The following SLC24A2 variants were observed in gnomAD, a reference collection of about 807,000 sequenced individuals.
SLC24A2 encodes the protein solute carrier family 24 member 2, also known as sodium/potassium/calcium exchanger 2.
Under a neutral mutation model 62.0 loss-of-function variants are expected in SLC24A2, and 36 were observed. The observed-to-expected ratio is 0.58, with a 90% CI of 0.44 to 0.77. The LOEUF is 0.77. Among genes scored for constraint, SLC24A2 ranks in the 30% least tolerant of loss-of-function variants. The pLI is 0.00. For missense variants in SLC24A2, 846 were observed against 817.9 expected (o/e 1.03, Z -0.42); for synonymous variants, 358 against 294.0 (o/e 1.22, Z -2.23).
At chr9:19,899,352 A>G in the SLC24A2 span, among the ~76,000 whole-genome samples, 1 of 152,214 alleles carries the variant, frequency 6.6e-6, no homozygotes, top group African/African-American at 2.4e-5. Flanking sequence ...GCCCAGGATT[A>G]AGGCACTCAA....
the SLC24A2 span, among the ~76,000 whole-genome samples, chr9:19,881,110 T>C: frequency 6.6e-6 from 1 of 152,176 alleles, no homozygotes; most frequent in Non-Finnish European, 1.5e-5. Flanking sequence ...AGTAGGCATA[T>C]CAACCATTTG....
the SLC24A2 span, among the ~76,000 whole-genome samples, chr9:20,086,205 T>G: frequency 6.6e-6 from 1 of 152,158 alleles, no homozygotes; most frequent in Non-Finnish European, 1.5e-5. Flanking sequence ...GGACCCAGAT[T>G]TGGTCCTTGA....
the SLC24A2 span, among the ~76,000 whole-genome samples, chr9:20,242,721 C>A: frequency 1.3e-5 from 2 of 152,210 alleles, no homozygotes; most frequent in Non-Finnish European, 2.9e-5. Context: ...CATCCTAATG[C>A]TAATTAAAAA....
At chr9:19,834,585 A>T in the SLC24A2 span, among the ~76,000 whole-genome samples, 1 of 152,244 alleles carries the variant, frequency 6.6e-6, no homozygotes, top group African/African-American at 2.4e-5. Flanking sequence ...TGAAAAGACC[A>T]AATCTATGTC....
the SLC24A2 span, among the ~76,000 whole-genome samples, chr9:19,837,113 CCAATATCATA>C: frequency 6.6e-6 from 1 of 152,082 alleles, no homozygotes; most frequent in African/African-American, 2.4e-5. Context: ...AAACCCACAG[CCAATATCATA>C]CTGAATGGAC....
the SLC24A2 span, among the ~76,000 whole-genome samples, chr9:20,294,361 G>C: frequency 6.6e-6 from 1 of 152,102 alleles, no homozygotes; most frequent in African/African-American, 2.4e-5. Context: ...CCCTAGGAAG[G>C]AATTATTTCA....
chr9:19,775,315 A>G (rs967641915), intron 2 of SLC24A2, among the ~76,000 whole-genome samples: 1 of 152,118 alleles, frequency 6.6e-6, no homozygotes, highest in Admixed American at 6.5e-5. Flanking sequence ...CTTCACCCAC[A>G]TTTCTTTTCC....
At chr9:19,563,237 C>A (rs951505766) in intron 7 of SLC24A2, among the ~76,000 whole-genome samples, 2 of 152,088 alleles carry the variant, frequency 1.3e-5, no homozygotes, top group Admixed American at 6.5e-5. Context: ...TACACACACA[C>A]CGCTTTTCAC....
the SLC24A2 span, among the ~76,000 whole-genome samples, chr9:20,179,344 G>A: frequency 6.6e-6 from 1 of 152,164 alleles, no homozygotes; most frequent in Admixed American, 6.5e-5. Flanking sequence ...TAGAGAATGA[G>A]AAGTCCCACA....
At chr9:19,762,815 T>G (rs1465065626) in intron 2 of SLC24A2, among the ~76,000 whole-genome samples, 6 of 141,284 alleles carry the variant, frequency 4.2e-5, no homozygotes, top group African/African-American at 1.6e-4. Context: ...TTTTTTTGGT[T>G]CCATATGAAA....
chr9:19,860,618 C>T, the SLC24A2 span, among the ~76,000 whole-genome samples: 4 of 152,004 alleles, frequency 2.6e-5, no homozygotes, highest in Admixed American at 6.5e-5. Context: ...AGCTACAGGG[C>T]GATAGAGCAC....
At chr9:19,904,148 C>G in the SLC24A2 span, among the ~76,000 whole-genome samples, 3 of 152,204 alleles carry the variant, frequency 2.0e-5, no homozygotes, top group African/African-American at 7.2e-5. Context: ...GCAGCATCAG[C>G]ATCACTTGAT....
chr9:19,916,981 G>GTTTTTTTTTTTTTTTTTTTTTTTT, the SLC24A2 span, among the ~76,000 whole-genome samples: 4 of 72,014 alleles, frequency 5.6e-5, no homozygotes, highest in Non-Finnish European at 7.6e-5. Flanking sequence ...TAACTTACCT[G>GTTTTTTTTTTTTTTTTTTTTTTTT]TTTTTTTTTT....
At chr9:19,972,850 G>T in the SLC24A2 span, among the ~76,000 whole-genome samples, 1 of 152,106 alleles carries the variant, frequency 6.6e-6, no homozygotes, top group South Asian at 2.1e-4. Flanking sequence ...CTGTCATTAC[G>T]AGAAGAGCAG....
the SLC24A2 span, among the ~76,000 whole-genome samples, chr9:19,881,479 A>T: frequency 6.6e-6 from 1 of 152,188 alleles, no homozygotes; most frequent in Non-Finnish European, 1.5e-5. Context: ...CGGCACAAAA[A>T]AGACATAATA....
At chr9:19,544,568 C>A (rs183248928) in intron 8 of SLC24A2, among the ~76,000 whole-genome samples, 85 of 152,146 alleles carry the variant, frequency 5.6e-4, no homozygotes, top group African/African-American at 1.5e-3. Flanking sequence ...TGGCTGGTTC[C>A]AGTTGTTCCT....
At chr9:19,522,412 A>G (rs533424905) in intron 9 of SLC24A2, among the ~76,000 whole-genome samples, 1 of 152,340 alleles carries the variant, frequency 6.6e-6, no homozygotes, top group East Asian at 1.9e-4. Flanking sequence ...GATGATGTCC[A>G]GCATTTTTTG....
the SLC24A2 span, among the ~76,000 whole-genome samples, chr9:20,163,628 CTACTT>C: frequency 1.3e-5 from 2 of 152,124 alleles, no homozygotes; most frequent in Non-Finnish European, 2.9e-5. Flanking sequence ...TTGGAAAAAA[CTACTT>C]TAAAGTTCAT....
the SLC24A2 span, among the ~76,000 whole-genome samples, chr9:19,845,353 G>C: frequency 6.6e-6 from 1 of 152,074 alleles, no homozygotes; most frequent in African/African-American, 2.4e-5. Flanking sequence ...ACTGATTTTT[G>C]TACATTAATT....
Sources: allele counts gnomAD v4.1 joint callset (sites outside exome capture counted in the v4.1 genomes callset), GRCh38; gene constraint gnomAD v4.1.1; transcripts MANE v1.5; gene names NCBI Gene and HGNC (gene_info 2026-07-23, HGNC 2026-07-21).